The following SNX7 variants were observed in gnomAD, a reference collection of about 807,000 sequenced individuals.
SNX7 encodes the protein sorting nexin-7.
In SNX7, 35 loss-of-function variants were observed where a neutral mutation model predicts 48.4. That is an observed-to-expected ratio of 0.72 (90% CI 0.55 to 0.96). The LOEUF (loss-of-function observed/expected upper bound fraction) is 0.96. Among genes scored for constraint, SNX7 ranks in the 40% least tolerant of loss-of-function variants. The pLI, the probability that SNX7 is intolerant of heterozygous loss-of-function variation, is 0.00. For synonymous variants in SNX7, 190 were observed against 190.2 expected (o/e 1.00, Z 0.01); for missense variants, 553 against 548.9 (o/e 1.01, Z -0.07).
At chr1:98,742,855 G>A (rs1382006715) in intron 8 of SNX7, among the ~76,000 whole-genome samples, 1 of 151,740 alleles carries the variant, frequency 6.6e-6, no homozygotes, top group African/African-American at 2.4e-5. Flanking sequence ...TACTTATTTT[G>A]TGTCACAATG....
chr1:98,695,545 C>A lies in SNX7; in HGVS notation c.667C>A (p.Pro223Thr), dbSNP rs376791566. 2 of 1,614,078 alleles carry A rather than the reference C, an allele frequency of 1.2e-6. No individual in the cohort carries two copies. The highest frequency in any genetic ancestry group is 2.2e-5 in the South Asian group (2 of 91,066). Residue 223 changes from proline to threonine, a missense_variant, in exon 5 of 9, where the codon CCT becomes ACT. Transcript: ENST00000306121. ...ACTCTCTTCTCACAAGAAGCAAGGTCCTGGCTTGCTAAGCAGGATGGGGCA... is the reference window on the plus strand; with the variant it reads ...ACTCTCTTCTCACAAGAAGCAAGGTACTGGCTTGCTAAGCAGGATGGGGCA... ...WELSSHKKQG[P>T]GLLSRMGQTV...
intron 7 of SNX7, among the ~76,000 whole-genome samples, chr1:98,717,012 A>T (rs1266935885): frequency 9.3e-6 from 1 of 107,638 alleles, no homozygotes; most frequent in African/African-American, 3.2e-5. Context: ...ATCTTCTTTA[A>T]AAAAAAAAAC....
At chr1:98,739,714 A>C (rs576831100) in intron 8 of SNX7, among the ~76,000 whole-genome samples, 1 of 152,298 alleles carries the variant, frequency 6.6e-6, no homozygotes, top group East Asian at 1.9e-4. Context: ...ATGGAGTTGG[A>C]GCAGAGAAAA....
intron 2 of SNX7, among the ~76,000 whole-genome samples, chr1:98,685,337 A>T (rs959641116): frequency 2.0e-5 from 3 of 152,156 alleles, no homozygotes; most frequent in Admixed American, 6.6e-5. Flanking sequence ...TTTTTAGTTT[A>T]AAAAAGTATT....
chr1:98,684,186 A>G (rs906373300), intron 1 of SNX7, among the ~76,000 whole-genome samples: 6 of 152,090 alleles, frequency 3.9e-5, no homozygotes, highest in Non-Finnish European at 7.4e-5. Context: ...CTGCACTGCT[A>G]TTTTAGTTAC....
chr1:98,711,486 T>C (rs1194864398), intron 7 of SNX7, among the ~76,000 whole-genome samples: 1 of 152,180 alleles, frequency 6.6e-6, no homozygotes, highest in Admixed American at 6.5e-5. Flanking sequence ...CACAAGAAAT[T>C]TTTGGCTTCC....
chr1:98,756,897 G>A (rs548372097), intron 8 of SNX7, among the ~76,000 whole-genome samples: 10 of 152,118 alleles, frequency 6.6e-5, no homozygotes, highest in African/African-American at 1.7e-4. Context: ...AATGTCATCC[G>A]CAGTGTTGGA....
At chr1:98,753,338 TTTAGTAC>T (rs1188857152) in intron 8 of SNX7, among the ~76,000 whole-genome samples, 4 of 152,092 alleles carry the variant, frequency 2.6e-5, no homozygotes, top group African/African-American at 9.7e-5. Flanking sequence ...TACTGTCCCT[TTTAGTAC>T]TTAATTTAGA....
intron 8 of SNX7, among the ~76,000 whole-genome samples, chr1:98,755,505 A>G (rs1351002295): frequency 6.6e-6 from 1 of 151,702 alleles, no homozygotes; most frequent in Non-Finnish European, 1.5e-5. Context: ...TGGCCCTTTT[A>G]TCATTATGAA....
intron 8 of SNX7, among the ~76,000 whole-genome samples, chr1:98,750,970 C>G (rs891427916): frequency 6.6e-6 from 1 of 152,034 alleles, no homozygotes; most frequent in Non-Finnish European, 1.5e-5. Context: ...TTGTCAGCCA[C>G]AGTTAGCCTC....
chr1:98,684,863 T>C, intron 1 of SNX7, 22 bp from the exon 2 acceptor site: 1 of 1,446,162 alleles, frequency 6.9e-7, no homozygotes, highest in African/African-American at 1.4e-5. Context: ...TGATACTAAT[T>C]TTTGAATGTT....
intron 7 of SNX7, among the ~76,000 whole-genome samples, chr1:98,727,690 T>C (rs1653261129): frequency 6.6e-6 from 1 of 151,954 alleles, no homozygotes; most frequent in African/African-American, 2.4e-5. Flanking sequence ...GAGAGGAACA[T>C]AAATGACCTG....
intron 7 of SNX7, among the ~76,000 whole-genome samples, chr1:98,708,875 G>C (rs1652153671): frequency 6.6e-6 from 1 of 152,162 alleles, no homozygotes; most frequent in African/African-American, 2.4e-5. Flanking sequence ...TGTTGAGCCT[G>C]AGATCTCTGG....
chr1:98,714,559 AG>A (rs2100996122), intron 7 of SNX7, among the ~76,000 whole-genome samples: 1 of 152,336 alleles, frequency 6.6e-6, no homozygotes, highest in African/African-American at 2.4e-5. Context: ...GAATACCAGG[AG>A]GGGAAGTATC....
chr1:98,732,893 C>T (rs1176885197), intron 7 of SNX7, among the ~76,000 whole-genome samples: 2 of 152,088 alleles, frequency 1.3e-5, no homozygotes, highest in Non-Finnish European at 2.9e-5. Flanking sequence ...AAGAGCAGAG[C>T]TGCACATCAG....
At chr1:98,697,735 C>A (rs1444930190) in intron 5 of SNX7, among the ~76,000 whole-genome samples, 1 of 152,036 alleles carries the variant, frequency 6.6e-6, no homozygotes, top group African/African-American at 2.4e-5. Flanking sequence ...AGTTATAAGA[C>A]ATCTATAATA....
At chr1:98,734,720 T>G (rs1653688105) in intron 7 of SNX7, among the ~76,000 whole-genome samples, 1 of 152,156 alleles carries the variant, frequency 6.6e-6, no homozygotes, top group Non-Finnish European at 1.5e-5. Context: ...ATTAATGACT[T>G]TGTGTGGCTA....
At chr1:98,727,356 C>T (rs1208317750) in intron 7 of SNX7, among the ~76,000 whole-genome samples, 1 of 152,078 alleles carries the variant, frequency 6.6e-6, no homozygotes, top group African/African-American at 2.4e-5. Flanking sequence ...CCACAAAAAC[C>T]CATCCAAAGC....
At chr1:98,718,374 GA>G (rs1346573640) in intron 7 of SNX7, among the ~76,000 whole-genome samples, 1 of 151,850 alleles carries the variant, frequency 6.6e-6, no homozygotes, top group Non-Finnish European at 1.5e-5. Context: ...CACACATCAG[GA>G]AAAAGGAACT....
Sources: allele counts gnomAD v4.1 joint callset (sites outside exome capture counted in the v4.1 genomes callset), GRCh38; gene constraint gnomAD v4.1.1; transcripts MANE v1.5; gene names NCBI Gene and HGNC (gene_info 2026-07-23, HGNC 2026-07-21).